Variants in HADHA observed in about 807,000 individuals in gnomAD.
HADHA encodes trifunctional enzyme subunit alpha, mitochondrial.
HADHA carries 59 observed loss-of-function variants against 91.3 expected under a neutral mutation model. The observed-to-expected ratio is 0.65, with a 90% confidence interval of 0.52 to 0.80. The LOEUF is 0.80. Ranked by LOEUF, HADHA falls within the 30% of genes least tolerant of loss-of-function variation. The pLI is 0.00. For missense variants in HADHA, 800 were observed against 927.6 expected (o/e 0.86, Z 1.79); for synonymous variants, 320 against 338.9 (o/e 0.94, Z 0.61).
intron 1 of HADHA, among the ~76,000 whole-genome samples, chr2:26,239,838 G>C (rs549034087): frequency 6.6e-6 from 1 of 152,250 alleles, no homozygotes; most frequent in Admixed American, 6.5e-5. Flanking sequence ...TTAGTGCAAA[G>C]GCAAAGGACT....
chr2:26,214,298 C>T lies in HADHA; in HGVS notation c.918+145G>A, dbSNP rs1670166595. On this transcript the variant is annotated intron_variant, in intron 9 of 19. Coordinates refer to ENST00000380649, the MANE Select transcript of HADHA (RefSeq NM_000182.5). The surrounding 1 kb of genome is among the most constrained non-coding windows in gnomAD (Gnocchi z 4.1). ...TATGAGTCCTTACAGCTTGCTATGC[C>T]CTTCCCTTATTTTTGGTAAATACTT... 3 of 737,416 alleles carry T rather than the reference C, an allele frequency of 4.1e-6. No individual in the cohort carries two copies. Among genetic ancestry groups the T allele is most frequent in the East Asian group, 2.5e-5 (1 of 39,944 alleles). 45.7% of individuals were successfully genotyped at this position (737,416 alleles called of 1,614,324 possible). A position where few individuals can be genotyped will look rare whatever the true frequency, so the allele number is the denominator to read the frequency against.
At chr2:26,222,701 C>A (rs761631295) in intron 7 of HADHA, among the ~76,000 whole-genome samples, 9 of 152,032 alleles carry the variant, frequency 5.9e-5, no homozygotes, top group Admixed American at 6.6e-5. Context: ...TATCCCACAC[C>A]ATTATGGTAT....
chr2:26,198,846 TCAAGAC>T (rs1178239020), intron 13 of HADHA, among the ~76,000 whole-genome samples: 4 of 151,504 alleles, frequency 2.6e-5, no homozygotes, highest in African/African-American at 9.7e-5. Flanking sequence ...GGCCAGGAGT[TCAAGAC>T]CAACCTCGGC....
intron 18 of HADHA, 131 bp from the exon 19 acceptor site, chr2:26,191,759 G>A (rs1310250656): frequency 1.1e-6 from 1 of 901,246 alleles, no homozygotes; most frequent in African/African-American, 1.6e-5. Context: ...GGCCCTCAGA[G>A]AAGATGCTGC....
At chr2:26,241,651 C>CA (rs1474949180) in intron 1 of HADHA, among the ~76,000 whole-genome samples, 132 of 140,592 alleles carry the variant, frequency 9.4e-4, no homozygotes, top group Middle Eastern at 3.6e-3. Context: ...ACTCCGTCTC[C>CA]AAAAAAAAAA....
intron 6 of HADHA, among the ~76,000 whole-genome samples, chr2:26,231,402 C>T (rs1670618536): frequency 6.6e-6 from 1 of 152,160 alleles, no homozygotes; most frequent in African/African-American, 2.4e-5. Flanking sequence ...TCTGACTGTC[C>T]TTCCCTTCTC....
At chr2:26,233,328 G>C (rs1159143051) in intron 5 of HADHA, among the ~76,000 whole-genome samples, 2 of 152,216 alleles carry the variant, frequency 1.3e-5, no homozygotes, top group Non-Finnish European at 2.9e-5. Context: ...AAAAGGTATA[G>C]AAAAATGTAG....
At chr2:26,239,195 C>A (rs904048449) in intron 1 of HADHA, 52 bp from the exon 2 acceptor site, 11 of 1,133,058 alleles carry the variant, frequency 9.7e-6, no homozygotes, top group Non-Finnish European at 1.5e-5. Context: ...TCTGTAGTAC[C>A]TTTTATATAT....
At chr2:26,244,482 G>A (rs1671025172) in intron 1 of HADHA, 48 bp downstream of exon 1, 3 of 1,544,528 alleles carry the variant, frequency 1.9e-6, no homozygotes, top group African/African-American at 2.7e-5. Flanking sequence ...CCCCAGTCCC[G>A]GCAGGAGTTC....
Position 26,191,405 on chromosome 2 carries a change from G to C in HADHA, c.2147-10C>G. On this transcript the variant is annotated splice_polypyrimidine_tract_variant and intron_variant, in intron 19 of 19. Transcript: ENST00000380649. ...ACAAAGCGGAAAGGCCCTGAATAGAGAAAGAGGACTTCGTTGAAGGAGACG... is the reference window on the plus strand; with the variant it reads ...ACAAAGCGGAAAGGCCCTGAATAGACAAAGAGGACTTCGTTGAAGGAGACG... 6.2e-7 allele frequency: 1 copy of C among 1,614,196 alleles called. No homozygotes were observed. The highest frequency in any genetic ancestry group is 8.5e-7 in the Non-Finnish European group (1 of 1,180,032).
At chr2:26,234,398 C>T (rs749048315) in intron 4 of HADHA, 43 bp from the exon 5 acceptor site, 37 of 1,570,660 alleles carry the variant, frequency 2.4e-5, no homozygotes, top group South Asian at 6.7e-5. Flanking sequence ...AAAGATAAAA[C>T]TATAATTTAT....
In HADHA at chr2:26,229,339, T is replaced by TGC. The variant is rs556477584; in HGVS notation, c.676+852_676+853insGC. ...AGCAACAGAGTGAGACCCCAACATG[T>TGC]GTGCGCGCGCACACACACACACACA... On this transcript the variant is annotated intron_variant, in intron 7 of 19. Coordinates refer to ENST00000380649, the MANE Select transcript of HADHA (RefSeq NM_000182.5). The surrounding 1 kb of genome is among the most constrained non-coding windows in gnomAD (Gnocchi z 4.3). 0.033 allele frequency among the ~76,000 whole-genome samples: 1,903 copies of TGC among 57,344 alleles called. 38 individuals carry two copies. Among genetic ancestry groups the TGC allele is most frequent in the East Asian group, 0.14 (276 of 2,002 alleles). 37.6% of individuals were successfully genotyped at this position (57,344 alleles called of 152,430 possible).
intron 15 of HADHA, 44 bp downstream of exon 15, chr2:26,195,048 A>G (rs908512544): frequency 6.6e-7 from 1 of 1,510,028 alleles, no homozygotes; most frequent in Non-Finnish European, 9.2e-7. Context: ...GAGTCTTATT[A>G]GAACTTTTCA....
At chr2:26,212,525 T>C (rs368282477) in intron 10 of HADHA, 45 bp downstream of exon 10, 2 of 1,230,068 alleles carry the variant, frequency 1.6e-6, no homozygotes, top group African/African-American at 3.0e-5. Flanking sequence ...GGATCTTTAG[T>C]TTTCCTTTAA....
At chr2:26,227,167 A>G (rs1670503190) in intron 7 of HADHA, among the ~76,000 whole-genome samples, 1 of 152,238 alleles carries the variant, frequency 6.6e-6, no homozygotes, top group South Asian at 2.1e-4. Flanking sequence ...TAAGATATAC[A>G]GATATTCAAT....
chr2:26,191,500 A>T lies in HADHA; in HGVS notation c.2129T>A (p.Phe710Tyr), dbSNP rs780054585. 11 of 1,614,044 alleles carry T rather than the reference A, an allele frequency of 6.8e-6. No homozygotes were observed. The highest frequency in any genetic ancestry group is 8.5e-6 in the Non-Finnish European group (10 of 1,180,034). The part of the protein sequence containing the change: ...GDIGAVFGLG[F>Y]PPCLGGPFRF... The stretch of plus-strand genomic sequence containing the variant: ...AGACCAACCTCCCAGACAAGGCGGG[A>T]AGCCAAGCCCAAAGACGGCTCCGAT... The change falls in exon 19 of 20, where the codon TTC becomes TAC. Residue 710 changes from phenylalanine to tyrosine, a missense_variant. Physicochemically the swap from Phe to Tyr is conservative, Grantham distance 22. Coordinates refer to ENST00000380649, the MANE Select transcript of HADHA (RefSeq NM_000182.5).
intron 1 of HADHA, among the ~76,000 whole-genome samples, chr2:26,243,714 G>T (rs1232147332): frequency 6.6e-6 from 1 of 152,174 alleles, no homozygotes; most frequent in African/African-American, 2.4e-5. Context: ...ATAAAACGTT[G>T]TCCACTTTTG....
intron 18 of HADHA, 43 bp downstream of exon 18, chr2:26,192,267 G>T: frequency 9.8e-7 from 1 of 1,024,682 alleles, no homozygotes; most frequent in Non-Finnish European, 1.6e-6. Context: ...TGGGCTGTCA[G>T]AGAAAGTCAA....
intron 7 of HADHA, among the ~76,000 whole-genome samples, chr2:26,220,958 CA>C (rs1670359018): frequency 6.6e-6 from 1 of 152,266 alleles, no homozygotes; most frequent in South Asian, 2.1e-4. Context: ...TAAATCCCTC[CA>C]AAATTCAGGG....
Sources: gnomAD v4.1 joint callset for allele counts (sites outside exome capture counted in the v4.1 genomes callset) on GRCh38, gnomAD v4.1.1 for gene constraint, Gnocchi (gnomAD v3.1) non-coding constraint, MANE v1.5 for transcripts, NCBI Gene and HGNC (gene_info 2026-07-23, HGNC 2026-07-21) for gene names.